Variants in SPON1 observed in about 807,000 individuals in gnomAD.
The protein encoded by SPON1 is spondin-1.
SPON1 carries 52 observed loss-of-function variants against 111.7 expected under a neutral mutation model. That is an observed-to-expected ratio of 0.47 (90% confidence interval 0.37 to 0.59). The LOEUF is 0.59. SPON1 is among the 20% of genes least tolerant of loss of function. The pLI is 0.00. For synonymous variants in SPON1, 410 were observed against 395.8 expected, an observed-to-expected ratio of 1.04 and a Z score of -0.43; for missense variants, 957 against 1,068.5, an observed-to-expected ratio of 0.90 and a Z score of 1.46.
intron 2 of SPON1, among the ~76,000 whole-genome samples, chr11:14,004,208 G>A (rs1848341924): frequency 6.6e-6 from 1 of 151,738 alleles, no homozygotes; most frequent in South Asian, 2.1e-4. Flanking sequence ...TTCCCCATTT[G>A]TACATTTCCT....
At chr11:14,031,286 C>A (rs761850203) in intron 2 of SPON1, among the ~76,000 whole-genome samples, 37 of 152,138 alleles carry the variant, frequency 2.4e-4, no homozygotes, top group African/African-American at 8.7e-4. Flanking sequence ...TCATTCGTAA[C>A]AAACCTGTAC....
rs573715051 is a variant in SPON1, at chr11:13,969,414, G to A, written c.238+6272G>A. On this transcript the variant is annotated intron_variant, in intron 1 of 15. Transcript: ENST00000576479. ...GAAGGGAAAAAGAGCAGAGGCAGGA[G>A]TGCTGGGGTGTGTATGTGCAAGCTT... Among the ~76,000 whole-genome samples the A allele has an allele frequency of 1.2e-4, 18 of 152,206 alleles. No individual in the cohort carries two copies. In the East Asian group the frequency reaches 3.3e-3, roughly 28 times the overall value.
At chr11:14,082,574 G>A (rs1848971113) in intron 5 of SPON1, among the ~76,000 whole-genome samples, 1 of 152,166 alleles carries the variant, frequency 6.6e-6, no homozygotes, top group Non-Finnish European at 1.5e-5. Context: ...TATGACCTGG[G>A]AGGCAGATGT....
At chr11:14,195,843 A>G (rs1848394927) in intron 6 of SPON1, among the ~76,000 whole-genome samples, 1 of 152,158 alleles carries the variant, frequency 6.6e-6, no homozygotes, top group Admixed American at 6.6e-5. Flanking sequence ...ATGATTAGCT[A>G]TGTACATATA....
chr11:14,021,279 A>T lies in SPON1; in HGVS notation c.346-20242A>T, dbSNP rs964131809. On this transcript the variant is annotated intron_variant, in intron 2 of 15. Transcript: ENST00000576479. Reference sequence around the variant, plus strand: ...GGCATATTACAAGCAGATGATAAATATGTGTTGAATGAGTGTATGAAAAAA... The same window carrying T: ...GGCATATTACAAGCAGATGATAAATTTGTGTTGAATGAGTGTATGAAAAAA... Among the ~76,000 whole-genome samples the T allele has an allele frequency of 2.0e-5, 3 of 152,234 alleles. No individual in the cohort carries two copies. In the South Asian group the frequency reaches 6.2e-4, roughly 32 times the overall value.
At chr11:14,230,351 G>A (rs1020062554) in intron 6 of SPON1, among the ~76,000 whole-genome samples, 2 of 152,166 alleles carry the variant, frequency 1.3e-5, no homozygotes. Context: ...CAGCAAACTA[G>A]GCTGCCAGAA....
intron 6 of SPON1, among the ~76,000 whole-genome samples, chr11:14,233,819 A>G (rs1258244815): frequency 7.0e-6 from 1 of 143,766 alleles, no homozygotes; most frequent in East Asian, 2.0e-4. Flanking sequence ...CTGGAGTGCA[A>G]TGGTACAATC....
chr11:14,115,186 G>A (rs1259564256), intron 5 of SPON1, among the ~76,000 whole-genome samples: 1 of 152,176 alleles, frequency 6.6e-6, no homozygotes, highest in African/African-American at 2.4e-5. Flanking sequence ...TCAAGCATAG[G>A]GTAGGCCAGA....
chr11:14,203,487 A>T (rs1451835424), intron 6 of SPON1, among the ~76,000 whole-genome samples: 1 of 152,230 alleles, frequency 6.6e-6, no homozygotes, highest in Non-Finnish European at 1.5e-5. Context: ...AAATGTCCTT[A>T]AGAGACGATT....
At chr11:14,206,802 A>G (rs1268755712) in intron 6 of SPON1, among the ~76,000 whole-genome samples, 1 of 152,202 alleles carries the variant, frequency 6.6e-6, no homozygotes, top group Non-Finnish European at 1.5e-5. Flanking sequence ...GAAAACAGCC[A>G]CACTGCCCAA....
intron 6 of SPON1, among the ~76,000 whole-genome samples, chr11:14,219,726 T>TTTTC (rs1440707451): frequency 6.6e-6 from 1 of 152,208 alleles, no homozygotes; most frequent in East Asian, 1.9e-4. Flanking sequence ...CATGATGTGT[T>TTTTC]TATCTGCAAG....
chr11:14,215,057 G>GT (rs1554937046), intron 6 of SPON1, among the ~76,000 whole-genome samples: 1 of 151,868 alleles, frequency 6.6e-6, no homozygotes, highest in Non-Finnish European at 1.5e-5. Flanking sequence ...TTTTGTTTTT[G>GT]TTTTTTTAAG....
chr11:14,248,370 T>C (rs1242091076), intron 7 of SPON1, among the ~76,000 whole-genome samples: 1 of 152,096 alleles, frequency 6.6e-6, no homozygotes, highest in Non-Finnish European at 1.5e-5. Flanking sequence ...GGAGCATTTT[T>C]TTTTTCTTTT....
intron 2 of SPON1, among the ~76,000 whole-genome samples, chr11:13,999,842 TCCAGTTGGCCC>T (rs1398138444): frequency 1.3e-5 from 2 of 152,144 alleles, no homozygotes; most frequent in East Asian, 3.9e-4. Flanking sequence ...AAACTTTCTC[TCCAGTTGGCCC>T]CCAGCTGGTA....
intron 7 of SPON1, among the ~76,000 whole-genome samples, chr11:14,248,916 G>T (rs1849023213): frequency 6.6e-6 from 1 of 152,136 alleles, no homozygotes; most frequent in African/African-American, 2.4e-5. Context: ...AGCCCAGGGT[G>T]CAGGTAGAGA....
chr11:14,072,470 A>G (rs1848884539), intron 3 of SPON1, among the ~76,000 whole-genome samples: 2 of 151,938 alleles, frequency 1.3e-5, no homozygotes, highest in Non-Finnish European at 2.9e-5. Flanking sequence ...GAAGATTCAG[A>G]GTATTTATTA....
chr11:13,996,443 G>A (rs1488610428), intron 2 of SPON1, among the ~76,000 whole-genome samples: 2 of 152,220 alleles, frequency 1.3e-5, no homozygotes, highest in Non-Finnish European at 2.9e-5. Context: ...CTGGTCTCTA[G>A]TGCCTGCTGC....
chr11:14,138,408 C>T (rs1046130474), intron 6 of SPON1, among the ~76,000 whole-genome samples: 8 of 152,006 alleles, frequency 5.3e-5, no homozygotes, highest in Admixed American at 1.3e-4. Context: ...TTTAATGTTA[C>T]TATAACTGCA....
Position 14,135,052 on chromosome 11 carries a change from C to G in SPON1, c.677-368C>G, listed in dbSNP as rs1250312028. On this transcript the variant is annotated intron_variant, in intron 5 of 15. Coordinates refer to ENST00000576479, the MANE Select transcript of SPON1 (RefSeq NM_006108.4). This position sits in a 1 kb window ranked among gnomAD's most constrained non-coding sequence, Gnocchi z 4.4. The stretch of plus-strand genomic sequence containing the variant: ...ATCTCAGAAGCTAAGCAGGGTCAAG[C>G]CTGGTTAGCACTTGGATGGGAGTCT... 1.2e-5 allele frequency: 2 copies of G among 165,844 alleles called. No individual in the cohort carries two copies. Among genetic ancestry groups the G allele is most frequent in the Admixed American group, 6.1e-5 (1 of 16,432 alleles). 10.3% of individuals were successfully genotyped at this position (165,844 alleles called of 1,614,324 possible). A position where few individuals can be genotyped will look rare whatever the true frequency, so the allele number is the denominator to read the frequency against.
Sources: allele counts gnomAD v4.1 joint callset (sites outside exome capture counted in the v4.1 genomes callset), GRCh38; gene constraint gnomAD v4.1.1; non-coding constraint Gnocchi (gnomAD v3.1); transcripts MANE v1.5; gene names NCBI Gene and HGNC (gene_info 2026-07-23, HGNC 2026-07-21).